Variants in TCAF2 observed in about 807,000 individuals in gnomAD.
TCAF2 encodes the protein TRPM8 channel associated factor 2.
TCAF2 carries 6 observed loss-of-function variants against 33.9 expected under a neutral mutation model. The ratio of observed to expected loss-of-function variants is 0.18; its 90% CI spans 0.10 to 0.35. The LOEUF is 0.35. TCAF2 is among the 10% of genes least tolerant of loss of function. The probability of loss-of-function intolerance (pLI) is 1.00; values close to 1 mark genes in which losing one functional copy is unlikely to be tolerated. For missense variants in TCAF2, 109 were observed against 604.0 expected, an observed-to-expected ratio of 0.18 and a Z score of 8.59; for synonymous variants, 41 against 247.8, an observed-to-expected ratio of 0.17 and a Z score of 7.84.
intron 7 of TCAF2, among the ~76,000 whole-genome samples, chr7:143,725,579 CCT>C (rs1487862998): frequency 1.4e-5 from 2 of 147,726 alleles, no homozygotes; most frequent in African/African-American, 2.5e-5. Flanking sequence ...ATTGCCATAC[CCT>C]CTCTTAGTTT....
rs748073497 is a variant in TCAF2 at position 143,720,842 on chromosome 7, G to A, written c.1615+168G>A. The A allele has an allele frequency of 3.0e-5, 27 of 894,738 alleles. 7 individuals are homozygous for A. The South Asian group carries it at 6.0e-4, about 20-fold the overall frequency. The allele number at this position is 894,738 out of a possible 1,614,324, so 55.4% of individuals were successfully genotyped here. ...GTCATCCAGGTTGGAATGCAGTGGC[G>A]CGATCTCAGCTCATGCAACCTCCAC... On this transcript the variant is annotated intron_variant, in intron 3 of 7. Transcript: ENST00000684770.
intron 1 of TCAF2, among the ~76,000 whole-genome samples, chr7:143,635,022 C>A (rs1343681225): frequency 0.029 from 2,393 of 81,800 alleles, 23 homozygotes; most frequent in African/African-American, 0.11. Flanking sequence ...AAGAAAACAT[C>A]GTTTCTAGAT....
intron 1 of TCAF2, chr7:143,645,802 C>G: frequency 1.0e-4 from 1 of 9,642 alleles, no homozygotes; most frequent in South Asian, 2.0e-3. Flanking sequence ...TGAAATTTAG[C>G]TGCTTCATCT....
chr7:143,725,482 A>G (rs1809657609), intron 7 of TCAF2, among the ~76,000 whole-genome samples: 3 of 151,918 alleles, frequency 2.0e-5, no homozygotes, highest in Admixed American at 2.0e-4. Context: ...ATTTTAAAGA[A>G]TTTAAGCAAT....
At chr7:143,647,988 G>A (rs1171656938) in intron 1 of TCAF2, among the ~76,000 whole-genome samples, 4 of 116,488 alleles carry the variant, frequency 3.4e-5, no homozygotes, top group African/African-American at 1.2e-4. Flanking sequence ...GCACAATCTC[G>A]GCTCACTGCA....
Position 143,724,507 on chromosome 7 carries a change from C to T in TCAF2, c.2315C>T (p.Pro772Leu). The T allele has an allele frequency of 6.2e-7, 1 of 1,611,178 alleles. No homozygotes were observed. The highest frequency in any genetic ancestry group is 8.5e-7 in the Non-Finnish European group (1 of 1,179,562). ...CAGCGGCATGGATGGGAGTTCCCCC[C>T]ACACACTACTGAGGCCACCTGTAAC... ...NQQRHGWEFP[P>L]HTTEATCNLW... Residue 772 changes from proline (P) to leucine (L), a missense_variant, in exon 7 of 8, where the codon CCA becomes CTA. Coordinates refer to ENST00000684770, the MANE Select transcript of TCAF2 (RefSeq NM_001363538.2).
chr7:143,634,782 G>C (rs751274752), intron 1 of TCAF2, among the ~76,000 whole-genome samples: 35,838 of 48,488 alleles, frequency 0.74, 11,945 homozygotes, highest in East Asian at 0.99. Context: ...AAAAAAAATA[G>C]ATTTACAATT....
In TCAF2 at chr7:143,724,629, G is replaced by A. The variant is rs1809619832; in HGVS notation, c.2437G>A (p.Ala813Thr). The stretch of plus-strand genomic sequence containing the variant: ...TCCAGAGCGAGAGAGGAGAATCAAG[G>A]CCCACCTGGGAAAGGGAGCCCCCCT... ...SPPERERRIK[A>T]HLGKGAPLCD... The change falls in exon 7 of 8, where the codon GCC (alanine) becomes ACC (threonine). Residue 813 changes from alanine (A) to threonine (T), a missense_variant. Transcript: ENST00000684770. 1 of 1,610,392 alleles carries A rather than the reference G, an allele frequency of 6.2e-7. No individual in the cohort carries two copies. Among genetic ancestry groups the A allele is most frequent in the African/African-American group, 1.3e-5 (1 of 74,182 alleles).
At position 143,728,667 on chromosome 7, in the gene TCAF2, T is replaced by G. The variant is rs1012675984; in HGVS notation, c.*1000T>G. 3 of 152,124 alleles carry G rather than the reference T, an allele frequency of 2.0e-5. No homozygotes were observed. The highest frequency in any genetic ancestry group is 7.3e-5 in the African/African-American group (3 of 41,362). 9.4% of individuals were successfully genotyped at this position (152,124 alleles called of 1,614,324 possible). A position where few individuals can be genotyped will look rare whatever the true frequency, so the allele number is the denominator to read the frequency against. On this transcript the variant is annotated 3_prime_UTR_variant, in exon 8 of 8. Transcript: ENST00000684770. ...CAAGGCACTGTCAAGTGGTGGGGGG[T>G]CCACAGGCACAGTGGGCTTCACTCT...
rs1036117660 is a variant in TCAF2, at chr7:143,728,947, A to T, written c.*1280A>T. The T allele has an allele frequency of 6.6e-6, 1 of 152,196 alleles. No homozygotes were observed. 9.4% of individuals were successfully genotyped at this position (152,196 alleles called of 1,614,324 possible). A position where few individuals can be genotyped will look rare whatever the true frequency, so the allele number is the denominator to read the frequency against. The stretch of plus-strand genomic sequence containing the variant: ...GTTGAGAGTAGAGTGGCTTCCCATT[A>T]GGAGAACTAATTTAGGGCATGTCTT... On this transcript the variant is annotated 3_prime_UTR_variant, in exon 8 of 8. Transcript: ENST00000684770.
In TCAF2 at chr7:143,728,321, A is replaced by G. The variant is rs530335677; in HGVS notation, c.*654A>G. ...CTTGGGGTTAGCATTCAGTCCTTGT[A>G]TATTTAGAGAATGTCAATGTTTTCC... On this transcript the variant is annotated 3_prime_UTR_variant, in exon 8 of 8. Coordinates refer to ENST00000684770, the MANE Select transcript of TCAF2 (RefSeq NM_001363538.2). The G allele has an allele frequency of 1.3e-5, 2 of 154,486 alleles. No individual in the cohort carries two copies. Among genetic ancestry groups the G allele is most frequent in the African/African-American group, 4.8e-5 (2 of 41,574 alleles). 9.6% of individuals were successfully genotyped at this position (154,486 alleles called of 1,614,324 possible).
intron 2 of TCAF2, among the ~76,000 whole-genome samples, chr7:143,718,424 C>A (rs1809398577): frequency 6.6e-6 from 1 of 150,476 alleles, no homozygotes; most frequent in Non-Finnish European, 1.5e-5. Flanking sequence ...ATTTTTTTTA[C>A]CCCAAAATTT....
At chr7:143,648,457 C>G (rs1809110072) in intron 1 of TCAF2, among the ~76,000 whole-genome samples, 1 of 141,110 alleles carries the variant, frequency 7.1e-6, no homozygotes, top group African/African-American at 2.5e-5. Context: ...GTTTATTATG[C>G]CCAGAGAAAG....
rs916593729 is a variant in TCAF2 at position 143,730,134 on chromosome 7, T to G, written c.*2467T>G. On this transcript the variant is annotated 3_prime_UTR_variant, in exon 8 of 8. Coordinates refer to ENST00000684770, the MANE Select transcript of TCAF2 (RefSeq NM_001363538.2). ...TTGGGTGTATATCCAGTAATGGGAT[T>G]GCTGGGTCAAATGGTATTTCTGGTT... 1.3e-5 allele frequency: 2 copies of G among 152,172 alleles called. No homozygotes were observed. Among genetic ancestry groups the G allele is most frequent in the Non-Finnish European group, 2.9e-5 (2 of 68,052 alleles). 9.4% of individuals were successfully genotyped at this position (152,172 alleles called of 1,614,324 possible). A position where few individuals can be genotyped will look rare whatever the true frequency, so the allele number is the denominator to read the frequency against.
chr7:143,707,744 AGCC>A (rs1303318600), intron 2 of TCAF2, among the ~76,000 whole-genome samples: 1 of 151,348 alleles, frequency 6.6e-6, no homozygotes, highest in Non-Finnish European at 1.5e-5. Context: ...CTGTATTTAC[AGCC>A]ACTCCCCATC....
intron 2 of TCAF2, among the ~76,000 whole-genome samples, chr7:143,718,527 T>A (rs1809405238): frequency 6.6e-6 from 1 of 152,014 alleles, no homozygotes; most frequent in Admixed American, 6.6e-5. Flanking sequence ...TTAATCACTA[T>A]ATGGTTTGCA....
rs1472929260 is a variant in TCAF2 at position 143,646,487 on chromosome 7, C to T, written c.-12+25467C>T. 7.9e-5 allele frequency among the ~76,000 whole-genome samples: 2 copies of T among 25,362 alleles called. 1 individual carries two copies. The highest frequency in any genetic ancestry group is 1.3e-4 in the Non-Finnish European group (2 of 15,062). The allele number at this position is 25,362 out of a possible 152,430, so 16.6% of individuals were successfully genotyped here. A position where few individuals can be genotyped will look rare whatever the true frequency, so the allele number is the denominator to read the frequency against. On this transcript the variant is annotated intron_variant, in intron 1 of 7. Coordinates refer to ENST00000684770, the MANE Select transcript of TCAF2 (RefSeq NM_001363538.2). The stretch of plus-strand genomic sequence containing the variant: ...GTGGAGGTTGCATGAGCTGAGATCG[C>T]GCTACTGCATTCCAACCTGGATGAC...
Position 143,718,360 on chromosome 7 carries a change from A to G in TCAF2, c.624-1323A>G, listed in dbSNP as rs62484958. 4.3e-3 allele frequency among the ~76,000 whole-genome samples: 626 copies of G among 145,450 alleles called. 1 individual carries two copies. The highest frequency in any genetic ancestry group is 7.3e-3 in the Admixed American group (105 of 14,336). Reference sequence around the variant, plus strand: ...GAAGACATTTTTTTTAAACAAAGATATTTTGATAAATATGCTTTAGGTTCT... The same window carrying G: ...GAAGACATTTTTTTTAAACAAAGATGTTTTGATAAATATGCTTTAGGTTCT... On this transcript the variant is annotated intron_variant, in intron 2 of 7. Coordinates refer to ENST00000684770, the MANE Select transcript of TCAF2 (RefSeq NM_001363538.2).
chr7:143,648,631 C>A (rs1246252109), intron 1 of TCAF2, among the ~76,000 whole-genome samples: 2 of 60,756 alleles, frequency 3.3e-5, no homozygotes. Flanking sequence ...GTTTTTAAAA[C>A]TTCACTTAGA....
Sources: allele counts gnomAD v4.1 joint callset (sites outside exome capture counted in the v4.1 genomes callset), GRCh38; gene constraint gnomAD v4.1.1; transcripts MANE v1.5; gene names NCBI Gene and HGNC (gene_info 2026-07-23, HGNC 2026-07-21).